The following CFAP20DC variants were observed in gnomAD, a reference collection of about 807,000 sequenced individuals.
CFAP20DC encodes protein CFAP20DC.
In CFAP20DC, 84 loss-of-function variants were observed where a neutral mutation model predicts 101.7. The observed-to-expected ratio is 0.83, with a 90% confidence interval of 0.69 to 0.99. The LOEUF (loss-of-function observed/expected upper bound fraction) is 0.99. Ranked by LOEUF, CFAP20DC falls within the 50% of genes least tolerant of loss-of-function variation. CFAP20DC has a pLI of 0.00. For synonymous variants in CFAP20DC, 359 were observed against 351.2 expected (o/e 1.02, Z -0.25); for missense variants, 1,007 against 970.3 (o/e 1.04, Z -0.50).
In CFAP20DC at chr3:58,724,608, G is replaced by A. The variant is rs567251686; in HGVS notation, c.198-6980C>T. On this transcript the variant is annotated intron_variant, in intron 3 of 3. Coordinates refer to the CFAP20DC transcript ENST00000486145. This position sits in a 1 kb window ranked among gnomAD's most constrained non-coding sequence, Gnocchi z 5.6. ...TCTTGCTACAGATTACGCCTATGAC[G>A]CACTGCCACCCTTTCACTGTTTCGC... Among the ~76,000 whole-genome samples the A allele has an allele frequency of 1.6e-4, 25 of 152,296 alleles. No homozygotes were observed. Among genetic ancestry groups the A allele is most frequent in the Admixed American group, 1.4e-3 (21 of 15,300 alleles).
Position 58,874,805 on chromosome 3 carries a change from TG to T in CFAP20DC, c.716-4497del, listed in dbSNP as rs1372957506. On this transcript the variant is annotated intron_variant, in intron 7 of 16. Transcript: ENST00000482387. The surrounding 1 kb of genome is among the most constrained non-coding windows in gnomAD (Gnocchi z 5.1). ...TGTCCATGGGATTCTCTAATTAATG[TG>T]TGCTTCAGTAGACATAAACTCAGTG... Among the ~76,000 whole-genome samples the T allele has an allele frequency of 6.6e-6, 1 of 152,208 alleles. No individual in the cohort carries two copies. The highest frequency in any genetic ancestry group is 1.5e-5 in the Non-Finnish European group (1 of 68,034).
intron 16 of CFAP20DC, among the ~76,000 whole-genome samples, chr3:58,747,237 A>G (rs576097877): frequency 1.3e-5 from 2 of 152,350 alleles, no homozygotes; most frequent in South Asian, 4.1e-4. Context: ...ACAAACTTTC[A>G]GCCTCATCCA....
rs545938944 is a variant in CFAP20DC at position 58,942,516 on chromosome 3, T to C, written c.279-4754A>G. 1.6e-4 allele frequency among the ~76,000 whole-genome samples: 25 copies of C among 152,314 alleles called. No individual in the cohort carries two copies. In the East Asian group the frequency reaches 1.7e-3, roughly 11 times the overall value. On this transcript the variant is annotated intron_variant, in intron 4 of 16. Transcript: ENST00000482387. ...AGCCAAAGGAAGCCGTGAGGGACTG[T>C]GCCATGAGGAACGGTGCATTCTGGC...
chr3:58,875,512 G>A (rs555330513), intron 7 of CFAP20DC, among the ~76,000 whole-genome samples: 106 of 152,262 alleles, frequency 7.0e-4, no homozygotes, highest in African/African-American at 1.6e-3. Context: ...GTACCAGCAC[G>A]TGGCCTTTCT....
chr3:58,765,169 A>G (rs1256477045), intron 15 of CFAP20DC, among the ~76,000 whole-genome samples: 1 of 152,260 alleles, frequency 6.6e-6, no homozygotes, highest in Non-Finnish European at 1.5e-5. Context: ...CTATGGCTTC[A>G]GTTCCTTTGT....
intron 6 of CFAP20DC, among the ~76,000 whole-genome samples, chr3:58,890,822 C>G: frequency 1.4e-5 from 2 of 141,652 alleles, no homozygotes; most frequent in Admixed American, 7.0e-5. Context: ...ACATCTCAGA[C>G]GATGGGCCGC....
Position 58,859,796 on chromosome 3 carries a change from G to A in CFAP20DC, c.1593+3762C>T, listed in dbSNP as rs2222062. Among the ~76,000 whole-genome samples, 58,020 of 152,008 alleles carry A rather than the reference G, an allele frequency of 0.38. 13,713 individuals carry two copies. The highest frequency in any genetic ancestry group is 0.67 in the African/African-American group (27,957 of 41,458). ...ACATAAACTAAATTTAAAAGTATCT[G>A]AAGGCTACATAGAAATATAAGAAGA... On this transcript the variant is annotated intron_variant, in intron 12 of 16. Coordinates refer to ENST00000482387, the MANE Select transcript of CFAP20DC (RefSeq NM_001394063.1). This position sits in a 1 kb window ranked among gnomAD's most constrained non-coding sequence, Gnocchi z 4.1.
intron 4 of CFAP20DC, among the ~76,000 whole-genome samples, chr3:59,038,631 T>C (rs1033725906): frequency 1.3e-5 from 2 of 152,144 alleles, no homozygotes; most frequent in African/African-American, 4.8e-5. Context: ...TATTTCAAAC[T>C]TTTTCAGTAT....
chr3:59,001,934 A>T lies in CFAP20DC; in HGVS notation c.278+37623T>A, dbSNP rs17060005. On this transcript the variant is annotated intron_variant, in intron 4 of 16. Coordinates refer to ENST00000482387, the MANE Select transcript of CFAP20DC (RefSeq NM_001394063.1). The surrounding 1 kb of genome is among the most constrained non-coding windows in gnomAD (Gnocchi z 4.5). ...TGTGGTAAAGAAGAGATTCCAAAAC[A>T]GAGACATTCTAAATTGAAAAAGTGA... is the stretch of plus-strand genomic sequence containing the variant. Among the ~76,000 whole-genome samples the T allele has an allele frequency of 0.1, 15,310 of 152,216 alleles. 2,500 individuals are homozygous for T. The highest frequency in any genetic ancestry group is 0.34 in the African/African-American group (14,288 of 41,460).
intron 4 of CFAP20DC, among the ~76,000 whole-genome samples, chr3:59,027,477 A>G (rs776651204): frequency 9.2e-5 from 14 of 152,188 alleles, no homozygotes; most frequent in Non-Finnish European, 1.0e-4. Context: ...CCATTTATTG[A>G]AAAAGCACTT....
intron 4 of CFAP20DC, among the ~76,000 whole-genome samples, chr3:59,031,107 C>A (rs999547867): frequency 1.3e-5 from 2 of 152,198 alleles, no homozygotes; most frequent in African/African-American, 4.8e-5. Flanking sequence ...CAGGCTTGAG[C>A]CGCCGTGCCT....
In CFAP20DC at chr3:58,949,570, C is replaced by T. The variant is rs574079120; in HGVS notation, c.279-11808G>A. On this transcript the variant is annotated intron_variant, in intron 4 of 16. Transcript: ENST00000482387. ...AGTAGTCATTCAGGAGCAGGTTGTT[C>T]AGTTTCCATGTAGTTGAGGTTTTGA... Among the ~76,000 whole-genome samples, 22 of 152,202 alleles carry T rather than the reference C, an allele frequency of 1.4e-4. No individual in the cohort carries two copies. The East Asian group carries it at 3.3e-3, about 23-fold the overall frequency.
chr3:58,958,538 A>G (rs2090852782), intron 4 of CFAP20DC, among the ~76,000 whole-genome samples: 1 of 152,194 alleles, frequency 6.6e-6, no homozygotes, highest in African/African-American at 2.4e-5. Context: ...TCATAGGTAC[A>G]TATCAGGAAA....
In CFAP20DC at chr3:59,041,039, G is replaced by C. The variant is rs555382119; in HGVS notation, c.206-1410C>G. Among the ~76,000 whole-genome samples, 7 of 152,154 alleles carry C rather than the reference G, an allele frequency of 4.6e-5. No individual in the cohort carries two copies. In the South Asian group the frequency reaches 1.5e-3, roughly 32 times the overall value. On this transcript the variant is annotated intron_variant, in intron 3 of 16. Transcript: ENST00000482387. ...GCTCTGGTCTACAAAAGCAAAGTGA[G>C]ATACCAAAATGAGGCCAACTTAAAT... is the stretch of plus-strand genomic sequence containing the variant.
intron 7 of CFAP20DC, among the ~76,000 whole-genome samples, chr3:58,875,078 G>C (rs2080627183): frequency 6.6e-6 from 1 of 152,218 alleles, no homozygotes; most frequent in Non-Finnish European, 1.5e-5. Context: ...TCCAGGACGT[G>C]AGGGATGAGA....
In CFAP20DC at chr3:59,002,233, T is replaced by C. The variant is rs1185733715; in HGVS notation, c.278+37324A>G. Among the ~76,000 whole-genome samples the C allele has an allele frequency of 6.6e-6, 1 of 152,192 alleles. No individual in the cohort carries two copies. The highest frequency in any genetic ancestry group is 1.5e-5 in the Non-Finnish European group (1 of 68,036). ...ATAAATACCTCTTACTCCCAGTAGT[T>C]GAGGATATGATAAGATGAGTGTGTG... On this transcript the variant is annotated intron_variant, in intron 4 of 16. Transcript: ENST00000482387. The surrounding 1 kb of genome is among the most constrained non-coding windows in gnomAD (Gnocchi z 4.5).
Position 58,957,532 on chromosome 3 carries a change from T to A in CFAP20DC, c.279-19770A>T, listed in dbSNP as rs145648772. The stretch of plus-strand genomic sequence containing the variant: ...ACCTAGAAGAAGGGAAATCAGTATA[T>A]CAAAGAGATATCTGAACTCCCGTGT... On this transcript the variant is annotated intron_variant, in intron 4 of 16. Coordinates refer to ENST00000482387, the MANE Select transcript of CFAP20DC (RefSeq NM_001394063.1). Among the ~76,000 whole-genome samples the A allele has an allele frequency of 5.8e-4, 88 of 152,240 alleles. 1 individual carries two copies. Among genetic ancestry groups the A allele is most frequent in the African/African-American group, 2.0e-3 (82 of 41,530 alleles).
intron 15 of CFAP20DC, among the ~76,000 whole-genome samples, chr3:58,768,877 G>A (rs951974406): frequency 2.0e-4 from 30 of 152,180 alleles, no homozygotes; most frequent in Non-Finnish European, 3.8e-4. Flanking sequence ...AGCCTTGCTT[G>A]AGTTCTAAGT....
intron 5 of CFAP20DC, among the ~76,000 whole-genome samples, chr3:58,930,690 G>T (rs1304122522): frequency 6.6e-6 from 1 of 152,140 alleles, no homozygotes; most frequent in Non-Finnish European, 1.5e-5. Flanking sequence ...TTTTCAGTAT[G>T]TTTATTTTTA....
Sources: gnomAD v4.1 joint callset for allele counts (sites outside exome capture counted in the v4.1 genomes callset) on GRCh38, gnomAD v4.1.1 for gene constraint, Gnocchi (gnomAD v3.1) non-coding constraint, MANE v1.5 for transcripts, NCBI Gene and HGNC (gene_info 2026-07-23, HGNC 2026-07-21) for gene names.